Variants in NELL1 observed in about 807,000 individuals in gnomAD.
NELL1 encodes the protein protein kinase C-binding protein NELL1.
NELL1 carries 76 observed loss-of-function variants against 107.4 expected under a neutral mutation model. The observed-to-expected ratio is 0.71, with a 90% CI of 0.59 to 0.86. The LOEUF (loss-of-function observed/expected upper bound fraction) is 0.86, where lower values mean the gene tolerates loss of function less well. Among genes scored for constraint, NELL1 ranks in the 40% least tolerant of loss-of-function variants. The probability of loss-of-function intolerance (pLI) is 0.00; values close to 1 mark genes in which losing one functional copy is unlikely to be tolerated. For missense variants in NELL1, 1,024 were observed against 1,005.5 expected, an observed-to-expected ratio of 1.02 and a Z score of -0.25; for synonymous variants, 353 against 341.2, an observed-to-expected ratio of 1.03 and a Z score of -0.38.
intron 15 of NELL1, among the ~76,000 whole-genome samples, chr11:21,377,952 G>T (rs1351193718): frequency 1.3e-5 from 2 of 151,850 alleles, no homozygotes; most frequent in Non-Finnish European, 2.9e-5. Flanking sequence ...TCTTTATTGT[G>T]GAGGGCTGTC....
At chr11:20,710,912 CTCT>C (rs1855096733) in intron 2 of NELL1, among the ~76,000 whole-genome samples, 1 of 151,786 alleles carries the variant, frequency 6.6e-6, no homozygotes, top group South Asian at 2.1e-4. Context: ...TGGATCTTCT[CTCT>C]TCTTTTCTTG....
chr11:20,924,281 A>G (rs1389383399), intron 7 of NELL1, among the ~76,000 whole-genome samples: 1 of 152,212 alleles, frequency 6.6e-6, no homozygotes, highest in Admixed American at 6.5e-5. Context: ...AAGAGGTTAC[A>G]TGAAGTTCTT....
At position 21,164,838 on chromosome 11, in the gene NELL1, A is replaced by C. The variant is rs75721250; in HGVS notation, c.1426+51124A>C. 6.0e-4 allele frequency among the ~76,000 whole-genome samples: 91 copies of C among 152,280 alleles called. 1 individual carries two copies. In the East Asian group the frequency reaches 0.017, roughly 28 times the overall value. On this transcript the variant is annotated intron_variant, in intron 13 of 19. Transcript: ENST00000357134. Reference sequence around the variant, plus strand: ...CACTTCATGGGAGATGTAGTAATTAAATGTAAATACCTACATTTAATTGCC... The same window carrying C: ...CACTTCATGGGAGATGTAGTAATTACATGTAAATACCTACATTTAATTGCC...
At chr11:21,129,361 GA>G (rs1855562540) in intron 13 of NELL1, among the ~76,000 whole-genome samples, 1 of 152,004 alleles carries the variant, frequency 6.6e-6, no homozygotes, top group African/African-American at 2.4e-5. Flanking sequence ...ATTAAAAATA[GA>G]AAAAAATAGA....
chr11:21,213,866 T>C (rs940162700), intron 13 of NELL1, among the ~76,000 whole-genome samples: 1 of 152,068 alleles, frequency 6.6e-6, no homozygotes, highest in Non-Finnish European at 1.5e-5. Flanking sequence ...AATGTAAAAA[T>C]ATAAAACTAT....
At chr11:20,802,545 GT>G (rs373430917) in intron 3 of NELL1, among the ~76,000 whole-genome samples, 36 of 151,810 alleles carry the variant, frequency 2.4e-4, no homozygotes, top group African/African-American at 8.7e-4. Context: ...TTTCCAAATT[GT>G]ATATCGTTTG....
chr11:21,462,393 G>T (rs923777653), intron 15 of NELL1, among the ~76,000 whole-genome samples: 5 of 152,168 alleles, frequency 3.3e-5, no homozygotes, highest in African/African-American at 1.2e-4. Context: ...ATTTTAGCAG[G>T]ATTTATGGTT....
intron 13 of NELL1, among the ~76,000 whole-genome samples, chr11:21,120,898 A>G (rs1855352207): frequency 6.6e-6 from 1 of 152,098 alleles, no homozygotes; most frequent in Non-Finnish European, 1.5e-5. Flanking sequence ...TTTCATATAA[A>G]TAGATAATTG....
chr11:21,271,439 T>G (rs1285926142), intron 14 of NELL1, among the ~76,000 whole-genome samples: 1 of 152,184 alleles, frequency 6.6e-6, no homozygotes, highest in Admixed American at 6.5e-5. Context: ...AGACATAGAT[T>G]ATCTGAATAG....
At chr11:20,812,517 A>G (rs538260401) in intron 3 of NELL1, among the ~76,000 whole-genome samples, 1 of 152,356 alleles carries the variant, frequency 6.6e-6, no homozygotes, top group South Asian at 2.1e-4. Flanking sequence ...TTTTTAAAAA[A>G]TATTTTGACA....
chr11:21,204,939 C>T (rs774533371), intron 13 of NELL1, among the ~76,000 whole-genome samples: 13 of 152,232 alleles, frequency 8.5e-5, no homozygotes, highest in Non-Finnish European at 1.6e-4. Flanking sequence ...CACCAGCAGA[C>T]GCTGCAGAAC....
intron 13 of NELL1, among the ~76,000 whole-genome samples, chr11:21,139,990 A>G (rs1236416158): frequency 1.3e-5 from 2 of 152,090 alleles, no homozygotes; most frequent in African/African-American, 4.8e-5. Context: ...CAAGAACAAC[A>G]TTATCTTTCA....
In NELL1 at chr11:21,165,250, C is replaced by T. The variant is rs116950132; in HGVS notation, c.1426+51536C>T. 3.3e-5 allele frequency among the ~76,000 whole-genome samples: 5 copies of T among 152,254 alleles called. No individual in the cohort carries two copies. In the East Asian group the frequency reaches 9.7e-4, roughly 29 times the overall value. ...CCTTAGAAACTGCTGAGGTCTATGG[C>T]CTGGAATTTGTCCATTCCTTGGATT... On this transcript the variant is annotated intron_variant, in intron 13 of 19. Coordinates refer to ENST00000357134, the MANE Select transcript of NELL1 (RefSeq NM_006157.5).
intron 14 of NELL1, among the ~76,000 whole-genome samples, chr11:21,278,201 C>T (rs1468751438): frequency 6.6e-6 from 1 of 152,070 alleles, no homozygotes; most frequent in East Asian, 1.9e-4. Context: ...TAATGAGAAA[C>T]TACAAGATTT....
chr11:20,719,419 A>AACAC (rs10609543), intron 2 of NELL1, among the ~76,000 whole-genome samples: 4 of 151,114 alleles, frequency 2.6e-5, no homozygotes, highest in African/African-American at 9.7e-5. Context: ...TACTATTAAA[A>AACAC]ACACACACAC....
intron 2 of NELL1, among the ~76,000 whole-genome samples, chr11:20,781,982 A>G (rs1856860011): frequency 6.6e-6 from 1 of 150,988 alleles, no homozygotes; most frequent in Non-Finnish European, 1.5e-5. Flanking sequence ...TGGAGGTTGC[A>G]GTGAGCCGAG....
intron 15 of NELL1, among the ~76,000 whole-genome samples, chr11:21,448,944 G>A (rs1457473021): frequency 6.6e-6 from 1 of 151,926 alleles, no homozygotes; most frequent in Admixed American, 6.6e-5. Flanking sequence ...ATATCAATTT[G>A]TCAAAATATT....
chr11:21,261,191 T>TA lies in NELL1; in HGVS notation c.1549+31737_1549+31738insA, dbSNP rs1426191149. 2.2e-5 allele frequency among the ~76,000 whole-genome samples: 3 copies of TA among 136,446 alleles called. No individual in the cohort carries two copies. In the East Asian group the frequency reaches 6.1e-4, roughly 28 times the overall value. 89.5% of individuals were successfully genotyped at this position (136,446 alleles called of 152,430 possible). On this transcript the variant is annotated intron_variant, in intron 14 of 19. Coordinates refer to ENST00000357134, the MANE Select transcript of NELL1 (RefSeq NM_006157.5). ...TGGGTGAAAATAAAATGAAATGGCC[T>TA]TTTTTTTTTTTACTTTTATTTCAAG...
intron 14 of NELL1, among the ~76,000 whole-genome samples, chr11:21,331,508 A>G (rs999748238): frequency 6.6e-5 from 10 of 152,114 alleles, no homozygotes; most frequent in African/African-American, 2.4e-4. Context: ...TCTGGGAGAC[A>G]GTAGTTTTCT....
Sources: gnomAD v4.1 joint callset for allele counts (sites outside exome capture counted in the v4.1 genomes callset) on GRCh38, gnomAD v4.1.1 for gene constraint, MANE v1.5 for transcripts, NCBI Gene and HGNC (gene_info 2026-07-23, HGNC 2026-07-21) for gene names.